SLC12A7: variants seen among roughly 807,000 people sequenced by gnomAD.
The protein encoded by SLC12A7 is solute carrier family 12 member 7.
In SLC12A7, 100 loss-of-function variants were observed where a neutral mutation model predicts 120.6. The observed-to-expected ratio is 0.83, with a 90% CI of 0.71 to 0.98. The LOEUF (loss-of-function observed/expected upper bound fraction) is 0.98, where lower values mean the gene tolerates loss of function less well. Ranked by LOEUF, SLC12A7 falls within the 50% of genes least tolerant of loss-of-function variation. SLC12A7 has a pLI of 0.00. For synonymous variants in SLC12A7, 760 were observed against 678.0 expected (o/e 1.12, Z -1.88); for missense variants, 1,373 against 1,548.1 (o/e 0.89, Z 1.90).
At position 1,073,796 on chromosome 5, in the gene SLC12A7, T is replaced by C; in HGVS notation, c.2078A>G (p.Gln693Arg). The change falls in exon 17 of 24, where the codon CAG (glutamine) becomes CGG (arginine). Residue 693 changes from glutamine (Q) to arginine (R), a missense_variant. Gln to Arg is a conservative substitution (Grantham distance 43). Coordinates refer to ENST00000264930, the MANE Select transcript of SLC12A7 (RefSeq NM_006598.3). ...GPPHTKNWRP[Q>R]VLVMLNLDAE... Reference sequence around the variant, plus strand: ...GTCCAGGTTCAGCATCACCAGCACCTGGGGCCTGCAGCCAGGGTGGGGCGG... The same window carrying C: ...GTCCAGGTTCAGCATCACCAGCACCCGGGGCCTGCAGCCAGGGTGGGGCGG... 7.0e-7 allele frequency: 1 copy of C among 1,418,742 alleles called. No individual in the cohort carries two copies. Among genetic ancestry groups the C allele is most frequent in the Non-Finnish European group, 9.3e-7 (1 of 1,078,886 alleles). The allele number at this position is 1,418,742 out of a possible 1,614,324, so 87.9% of individuals were successfully genotyped here.
chr5:1,075,978 G>T lies in SLC12A7; in HGVS notation c.1847+160C>A, dbSNP rs149297392. ...ACTCCGCAAAGGAACAGTCAAGGAC[G>T]CGCTGGGGTCTTCAGGCCCAGAGCA... On this transcript the variant is annotated intron_variant, in intron 14 of 23. Coordinates refer to ENST00000264930, the MANE Select transcript of SLC12A7 (RefSeq NM_006598.3). 3.7e-3 allele frequency: 2,244 copies of T among 612,730 alleles called. 6 individuals are homozygous for T. The highest frequency in any genetic ancestry group is 5.4e-3 in the Non-Finnish European group (1,874 of 348,714). 38.0% of individuals were successfully genotyped at this position (612,730 alleles called of 1,614,324 possible).
chr5:1,143,010 CA>C, the SLC12A7 span, among the ~76,000 whole-genome samples: 22 of 151,970 alleles, frequency 1.4e-4, no homozygotes, highest in Admixed American at 6.5e-5. Context: ...GAGAGGCGGC[CA>C]AAGAAGGCTT....
At position 1,087,757 on chromosome 5, in the gene SLC12A7, A is replaced by T. The variant is rs569864846; in HGVS notation, c.544+549T>A. On this transcript the variant is annotated intron_variant, in intron 5 of 23. Coordinates refer to ENST00000264930, the MANE Select transcript of SLC12A7 (RefSeq NM_006598.3). Reference sequence around the variant, plus strand: ...ACATGCACTCAGAAGCAGACGTGGCAGCGTCTCCGTTCACTAGTTATTTCG... The same window carrying T: ...ACATGCACTCAGAAGCAGACGTGGCTGCGTCTCCGTTCACTAGTTATTTCG... Among the ~76,000 whole-genome samples the T allele has an allele frequency of 3.9e-5, 6 of 152,364 alleles. No homozygotes were observed. In the South Asian group the frequency reaches 1.0e-3, roughly 26 times the overall value.
At chr5:1,087,254 T>C (rs1739971817) in intron 5 of SLC12A7, among the ~76,000 whole-genome samples, 1 of 151,874 alleles carries the variant, frequency 6.6e-6, no homozygotes, top group Non-Finnish European at 1.5e-5. Flanking sequence ...CGCGCTCTCA[T>C]GGACATGAGG....
intron 18 of SLC12A7, among the ~76,000 whole-genome samples, chr5:1,064,718 AGGAGACGGTGAAGGGACAGCG>A (rs1736741440): frequency 6.7e-6 from 1 of 149,998 alleles, no homozygotes; most frequent in African/African-American, 2.5e-5. Flanking sequence ...GGGGACAGCG[AGGAGACGGTGAAGGGACAGCG>A]AGGGGACGGC....
chr5:1,076,171 G>C lies in SLC12A7; in HGVS notation c.1814C>G (p.Pro605Arg). ...GAACTTGAAGCGTGGACGCCAGTTG[G>C]GGGTACGTAGCAGGGTCTGCACGGC... The part of the protein sequence containing the change: ...ACAVQTLLRT[P>R]NWRPRFKFYH... Residue 605 changes from proline to arginine, a missense_variant, in exon 14 of 24, where the codon CCC becomes CGC. Physicochemically the swap from Pro to Arg is moderately radical, Grantham distance 103. Coordinates refer to ENST00000264930, the MANE Select transcript of SLC12A7 (RefSeq NM_006598.3). 1.2e-6 allele frequency: 2 copies of C among 1,612,376 alleles called. No individual in the cohort carries two copies. The highest frequency in any genetic ancestry group is 1.7e-6 in the Non-Finnish European group (2 of 1,179,636).
At chr5:1,112,401 C>A (rs1363040747), upstream of SLC12A7, among the ~76,000 whole-genome samples, 1 of 99,884 alleles carries the variant, frequency 1.0e-5, no homozygotes, top group Non-Finnish European at 2.1e-5. Context: ...CCCACTCCTG[C>A]TCCAGCCCCC....
the SLC12A7 span, among the ~76,000 whole-genome samples, chr5:1,149,143 A>G: frequency 9.5e-4 from 9 of 9,436 alleles, no homozygotes; most frequent in Admixed American, 4.5e-3. Flanking sequence ...CGCACCCAGA[A>G]GGGGGACTGT....
At chr5:1,078,654 C>G in intron 11 of SLC12A7, 47 bp downstream of exon 11, 1 of 1,496,868 alleles carries the variant, frequency 6.7e-7, no homozygotes, top group Non-Finnish European at 9.3e-7. Flanking sequence ...TCAGGAAAAC[C>G]CTTGAAGACT....
At chr5:1,075,679 T>C (rs781348155) in intron 14 of SLC12A7, among the ~76,000 whole-genome samples, 189 bp from the exon 15 acceptor site, 3 of 152,180 alleles carry the variant, frequency 2.0e-5, no homozygotes, top group Admixed American at 6.5e-5. Context: ...CCTGGGCCCC[T>C]GTGGGAGCTG....
the SLC12A7 span, among the ~76,000 whole-genome samples, chr5:1,155,576 G>T: frequency 0.016 from 2,357 of 151,596 alleles, 64 homozygotes; most frequent in African/African-American, 0.054. Flanking sequence ...GGCAGGGACC[G>T]ACCCCCGGGC....
chr5:1,075,561 G>A (rs777516676), intron 14 of SLC12A7, 71 bp from the exon 15 acceptor site: 31 of 1,543,304 alleles, frequency 2.0e-5, no homozygotes, highest in Middle Eastern at 1.7e-4. Context: ...ACCACCACAC[G>A]GACACTGCCC....
the SLC12A7 span, among the ~76,000 whole-genome samples, chr5:1,118,411 A>T: frequency 6.6e-6 from 1 of 152,246 alleles, no homozygotes; most frequent in Admixed American, 6.5e-5. Flanking sequence ...GTTTCAGTGC[A>T]ATCTGAGAAC....
chr5:1,068,549 C>G (rs940849957), intron 17 of SLC12A7, among the ~76,000 whole-genome samples: 1 of 152,270 alleles, frequency 6.6e-6, no homozygotes, highest in African/African-American at 2.4e-5. Flanking sequence ...GGCAGTGCAG[C>G]CCCAAAGGCA....
intron 22 of SLC12A7, 106 bp from the exon 23 acceptor site, chr5:1,053,588 G>T: frequency 2.1e-6 from 3 of 1,405,830 alleles, no homozygotes; most frequent in Non-Finnish European, 2.9e-6. Flanking sequence ...GTTGGAAAGG[G>T]CTGTGTGAGT....
rs1425610654 is a variant in SLC12A7, at chr5:1,081,617, G to A, written c.1257C>T (p.Ser419=). 1.2e-6 allele frequency: 2 copies of A among 1,610,610 alleles called. No homozygotes were observed. Among genetic ancestry groups the A allele is most frequent in the Admixed American group, 3.3e-5 (2 of 59,988 alleles). ...AGTAGATGCCAACCAGCAGGGTGAA[G>A]GAGGCCGCGATGTCGGTGAGCACGT... is the stretch of plus-strand genomic sequence containing the variant. ...LPYVLTDIAA[S]FTLLVGIYFP... Residue 419 remains serine, a synonymous_variant, in exon 9 of 24, where the codon TCC becomes TCT. Transcript: ENST00000264930.
chr5:1,090,492 T>C (rs1740376385), intron 3 of SLC12A7, among the ~76,000 whole-genome samples: 1 of 152,154 alleles, frequency 6.6e-6, no homozygotes, highest in African/African-American at 2.4e-5. Context: ...TATGCTTTGT[T>C]CTTGGTGCAA....
chr5:1,099,094 C>T (rs73028891), intron 1 of SLC12A7, among the ~76,000 whole-genome samples: 13,471 of 152,136 alleles, frequency 0.089, 863 homozygotes, highest in African/African-American at 0.18. Flanking sequence ...GGGCAGGTCC[C>T]GGTGGTGCCC....
At chr5:1,150,727 C>T in the SLC12A7 span, among the ~76,000 whole-genome samples, 1 of 152,246 alleles carries the variant, frequency 6.6e-6, no homozygotes, top group Non-Finnish European at 1.5e-5. Flanking sequence ...CCACAGATAA[C>T]TAGAGGCAGC....
Sources: allele counts gnomAD v4.1 joint callset (sites outside exome capture counted in the v4.1 genomes callset), GRCh38; gene constraint gnomAD v4.1.1; transcripts MANE v1.5; gene names NCBI Gene and HGNC (gene_info 2026-07-23, HGNC 2026-07-21).